Variants in ZBTB49 observed in about 807,000 individuals in gnomAD.
ZBTB49 encodes zinc finger and BTB domain containing 49.
ZBTB49 carries 43 observed loss-of-function variants against 57.5 expected under a neutral mutation model. The observed-to-expected ratio is 0.75, with a 90% CI of 0.59 to 0.97. ZBTB49 has a LOEUF of 0.97. Ranked by LOEUF, ZBTB49 falls within the 50% of genes least tolerant of loss-of-function variation. The probability of loss-of-function intolerance (pLI) is 0.00; values close to 1 mark genes in which losing one functional copy is unlikely to be tolerated. For synonymous variants in ZBTB49, 369 were observed against 362.1 expected (o/e 1.02, Z -0.22); for missense variants, 938 against 947.7 (o/e 0.99, Z 0.13).
chr4:4,308,586 A>T (rs542626863), intron 4 of ZBTB49, among the ~76,000 whole-genome samples: 1 of 152,172 alleles, frequency 6.6e-6, no homozygotes, highest in African/African-American at 2.4e-5. Context: ...TTTCAGATGT[A>T]TATTGCTGCT....
intron 7 of ZBTB49, among the ~76,000 whole-genome samples, chr4:4,317,640 C>T (rs1047317413): frequency 3.3e-5 from 5 of 151,986 alleles, no homozygotes; most frequent in Non-Finnish European, 5.9e-5. Flanking sequence ...ATCCGTGTAC[C>T]AAGGCTTGTG....
chr4:4,309,361 A>C (rs895057941), intron 4 of ZBTB49, among the ~76,000 whole-genome samples: 2 of 152,218 alleles, frequency 1.3e-5, no homozygotes, highest in African/African-American at 2.4e-5. Context: ...CCTACTTTAG[A>C]GTATGACTGA....
Position 4,321,719 on chromosome 4 carries a change from A to C in ZBTB49, c.*403A>C, listed in dbSNP as rs1721425885. On this transcript the variant is annotated 3_prime_UTR_variant, in exon 8 of 8. Coordinates refer to ENST00000337872, the MANE Select transcript of ZBTB49 (RefSeq NM_145291.4). ...TTGTAGCATTTTGTATTATTTACAC[A>C]GAATTTATTTGTATATGAAACTCAT... 1 of 190,450 alleles carries C rather than the reference A, an allele frequency of 5.3e-6. No individual in the cohort carries two copies. The highest frequency in any genetic ancestry group is 2.4e-5 in the African/African-American group (1 of 41,928). 11.8% of individuals were successfully genotyped at this position (190,450 alleles called of 1,614,324 possible).
In ZBTB49 at chr4:4,302,728, G is replaced by T. The variant is rs376821967; in HGVS notation, c.892G>T (p.Val298Phe). ...GTCAGACGCCACATGCCAACAACCTGTCAAGCAGATGAGGCTCAAAAAGGC... is the reference window on the plus strand; with the variant it reads ...GTCAGACGCCACATGCCAACAACCTTTCAAGCAGATGAGGCTCAAAAAGGC... ...PESDATCQQP[V>F]KQMRLKKAIH... is the part of the protein sequence containing the mutation. The change falls in exon 3 of 8, where the codon GTC becomes TTC. Residue 298 changes from valine to phenylalanine, a missense_variant. Physicochemically the swap from Val to Phe is conservative, Grantham distance 50. This residue lies in a region of ZBTB49 where 835 missense variants were observed against 819.1 expected (regional missense o/e 1.02). Transcript: ENST00000337872. 1 of 1,613,832 alleles carries T rather than the reference G, an allele frequency of 6.2e-7. No homozygotes were observed. The highest frequency in any genetic ancestry group is 2.2e-5 in the East Asian group (1 of 44,868).
Position 4,303,035 on chromosome 4 carries a change from G to T in ZBTB49, c.1199G>T (p.Cys400Phe). The change falls in exon 3 of 8, where the codon TGC becomes TTC. Residue 400 changes from cysteine to phenylalanine, a missense_variant. By Grantham distance (205) the Cys-to-Phe change is radical. Transcript: ENST00000337872. ...CAGAGACAATACGCGTGTGAATTAT[G>T]CGGGAAACCTTTTAAACACCCAAGC... ...QSQRQYACEL[C>F]GKPFKHPSNL... 6.2e-7 allele frequency: 1 copy of T among 1,613,206 alleles called. No individual in the cohort carries two copies. Among genetic ancestry groups the T allele is most frequent in the South Asian group, 1.1e-5 (1 of 90,864 alleles).
chr4:4,300,019 G>T lies in ZBTB49; in HGVS notation c.74G>T (p.Cys25Phe), dbSNP rs1720407586. Reference sequence around the variant, plus strand: ...GAGCAGCGAATCCAAGGCCTGCTTTGTGACTGTATGTTGGTGGTAAAAGGA... The same window carrying T: ...GAGCAGCGAATCCAAGGCCTGCTTTTTGACTGTATGTTGGTGGTAAAAGGA... The part of the protein sequence containing the change: ...LHEQRIQGLL[C>F]DCMLVVKGVC... The change falls in exon 2 of 8, where the codon TGT (cysteine) becomes TTT (phenylalanine). Residue 25 changes from cysteine to phenylalanine, a missense_variant. By Grantham distance (205) the Cys-to-Phe change is radical (BLOSUM62 -2). Coordinates refer to ENST00000337872, the MANE Select transcript of ZBTB49 (RefSeq NM_145291.4). 4.3e-6 allele frequency: 7 copies of T among 1,614,076 alleles called. No individual in the cohort carries two copies. Among genetic ancestry groups the T allele is most frequent in the Middle Eastern group, 1.6e-4 (1 of 6,084 alleles).
In ZBTB49 at chr4:4,299,921, C is replaced by T; in HGVS notation, c.-19-6C>T. On this transcript the variant is annotated splice_region_variant and splice_polypyrimidine_tract_variant and intron_variant, in intron 1 of 7. Transcript: ENST00000337872. ...TATCTGTCGTATCTGTGATTTTTTG[C>T]TGTAGGTCACCTGAATGGTTGAGCA... 6.2e-7 allele frequency: 1 copy of T among 1,610,130 alleles called. No individual in the cohort carries two copies. The highest frequency in any genetic ancestry group is 1.1e-5 in the South Asian group (1 of 90,836).
Position 4,321,252 on chromosome 4 carries a change from C to G in ZBTB49, c.2234C>G (p.Ser745Cys). The change falls in exon 8 of 8, where the codon TCC (serine) becomes TGC (cysteine). Residue 745 changes from serine to cysteine, a missense_variant. Coordinates refer to ENST00000337872, the MANE Select transcript of ZBTB49 (RefSeq NM_145291.4). ...AGGAACTCAGAGGGTCAGTTTTTCTCCAGCATGACTCTCTGGGGGCTAGCG... is the reference window on the plus strand; with the variant it reads ...AGGAACTCAGAGGGTCAGTTTTTCTGCAGCATGACTCTCTGGGGGCTAGCG... ...TYRNSEGQFF[S>C]SMTLWGLAMK... The G allele has an allele frequency of 1.9e-6, 3 of 1,614,118 alleles. No individual in the cohort carries two copies. Among genetic ancestry groups the G allele is most frequent in the Non-Finnish European group, 2.5e-6 (3 of 1,180,034 alleles).
intron 4 of ZBTB49, among the ~76,000 whole-genome samples, chr4:4,310,676 ATT>A (rs33978308): frequency 1.2e-3 from 174 of 139,494 alleles, no homozygotes; most frequent in African/African-American, 1.2e-3. Flanking sequence ...TGCCTGGCTA[ATT>A]TTTTTTTTTT....
intron 4 of ZBTB49, among the ~76,000 whole-genome samples, chr4:4,312,105 T>C (rs1721002584): frequency 6.6e-6 from 1 of 152,250 alleles, no homozygotes; most frequent in Non-Finnish European, 1.5e-5. Flanking sequence ...ACTTATCTTG[T>C]GCATGACACC....
At chr4:4,295,104 C>CA (rs981133386) in intron 1 of ZBTB49, among the ~76,000 whole-genome samples, 1 of 152,110 alleles carries the variant, frequency 6.6e-6, no homozygotes, top group African/African-American at 2.4e-5. Flanking sequence ...AGACTTGCTT[C>CA]AGTTAATGGA....
At chr4:4,318,813 A>G (rs1721291290) in intron 7 of ZBTB49, among the ~76,000 whole-genome samples, 1 of 152,038 alleles carries the variant, frequency 6.6e-6, no homozygotes, top group Admixed American at 6.6e-5. Flanking sequence ...TACATTGTGG[A>G]CAAAACACAG....
Position 4,299,884 on chromosome 4 carries a change from G to A in ZBTB49, c.-19-43G>A, listed in dbSNP as rs934250570. ...TTCAGTCCCATTTAGTTTCCAGTGA[G>A]GTCCTTAAGAATATCTGTCGTATCT... On this transcript the variant is annotated intron_variant, in intron 1 of 7. Coordinates refer to ENST00000337872, the MANE Select transcript of ZBTB49 (RefSeq NM_145291.4). The A allele has an allele frequency of 1.6e-5, 26 of 1,587,342 alleles. No homozygotes were observed. In the African/African-American group the frequency reaches 3.1e-4, roughly 19 times the overall value.
chr4:4,298,819 G>A (rs73793205), intron 1 of ZBTB49, among the ~76,000 whole-genome samples: 2,282 of 152,172 alleles, frequency 0.015, 59 homozygotes, highest in African/African-American at 0.053. Context: ...ACTAGACTGC[G>A]CCCTAGACAT....
At chr4:4,320,287 G>A (rs1243244314) in intron 7 of ZBTB49, among the ~76,000 whole-genome samples, 2 of 152,180 alleles carry the variant, frequency 1.3e-5, no homozygotes, top group Middle Eastern at 3.2e-3. Context: ...GGAGGGGTCC[G>A]CAGCTGGAGA....
chr4:4,294,686 A>G (rs1720104888), intron 1 of ZBTB49, among the ~76,000 whole-genome samples: 1 of 152,092 alleles, frequency 6.6e-6, no homozygotes. Flanking sequence ...AAATTGTGTA[A>G]CAGTTAATAA....
intron 3 of ZBTB49, among the ~76,000 whole-genome samples, chr4:4,303,971 T>G (rs182536345): frequency 1.3e-5 from 2 of 152,248 alleles, no homozygotes; most frequent in Admixed American, 6.5e-5. Flanking sequence ...GTAATTGTGT[T>G]TGTTGATGTG....
At chr4:4,290,553 C>T (rs1350367876) in intron 1 of ZBTB49, among the ~76,000 whole-genome samples, 1 of 152,258 alleles carries the variant, frequency 6.6e-6, no homozygotes, top group Non-Finnish European at 1.5e-5. Context: ...CCGGGCATCA[C>T]AGGGGACGCG....
chr4:4,294,229 C>G (rs1720079836), intron 1 of ZBTB49, among the ~76,000 whole-genome samples: 1 of 152,046 alleles, frequency 6.6e-6, no homozygotes, highest in South Asian at 2.1e-4. Context: ...CTTTTTATAA[C>G]CTCATTGGGG....
Sources: allele counts gnomAD v4.1 joint callset (sites outside exome capture counted in the v4.1 genomes callset), GRCh38; gene constraint gnomAD v4.1.1; regional missense constraint gnomAD v4.1.1; transcripts MANE v1.5; gene names NCBI Gene and HGNC (gene_info 2026-07-23, HGNC 2026-07-21).